The following ZPR1 variants were observed in gnomAD, a reference collection of about 807,000 sequenced individuals.
The protein encoded by ZPR1 is ZPR1 zinc finger, also known as zinc finger protein ZPR1.
ZPR1 carries 37 observed loss-of-function variants against 59.6 expected under a neutral mutation model. The observed-to-expected ratio is 0.62, with a 90% confidence interval of 0.48 to 0.82. The LOEUF (loss-of-function observed/expected upper bound fraction) is 0.82, where lower values mean the gene tolerates loss of function less well. Among genes scored for constraint, ZPR1 ranks in the 40% least tolerant of loss-of-function variants. ZPR1 has a pLI of 0.00. For missense variants in ZPR1, 527 were observed against 579.9 expected (o/e 0.91, Z 0.94); for synonymous variants, 191 against 215.2 (o/e 0.89, Z 0.99).
At position 116,778,997 on chromosome 11, in the gene ZPR1, G is replaced by A; in HGVS notation, c.1308C>T (p.Asp436=). ...MKVERYKRTF[D]QNEELGLNDM... The stretch of plus-strand genomic sequence containing the variant: ...CATTGAGCCCTAGCTCCTCATTTTG[G>A]TCAAAGGTGCGCTTGTAACGCTCCA... The change falls in exon 14 of 14, where the codon GAC becomes GAT. Residue 436 remains aspartate, a synonymous_variant. Transcript: ENST00000227322. 2.5e-6 allele frequency: 4 copies of A among 1,614,186 alleles called. No homozygotes were observed. The highest frequency in any genetic ancestry group is 3.4e-6 in the Non-Finnish European group (4 of 1,180,034).
At chr11:116,786,250 G>A (rs1053787606) in intron 4 of ZPR1, among the ~76,000 whole-genome samples, 1 of 152,126 alleles carries the variant, frequency 6.6e-6, no homozygotes, top group African/African-American at 2.4e-5. Context: ...GGAATACTCA[G>A]GAAACACAGA....
In ZPR1 at chr11:116,782,951, G is replaced by A; in HGVS notation, c.1060C>T (p.Leu354=). The A allele has an allele frequency of 6.2e-7, 1 of 1,614,192 alleles. No homozygotes were observed. The highest frequency in any genetic ancestry group is 8.5e-7 in the Non-Finnish European group (1 of 1,180,024). Reference sequence around the variant, plus strand: ...CGGATGTCTTTCAGCAGCCCTTCCAGTGTGGTGAACTTGCCCCCGAGGACT... The same window carrying A: ...CGGATGTCTTTCAGCAGCCCTTCCAATGTGGTGAACTTGCCCCCGAGGACT... ...MAVLGGKFTT[L]EGLLKDIREL... The change falls in exon 11 of 14, where the codon CTG becomes TTG. Residue 354 remains leucine (L), a synonymous_variant. Transcript: ENST00000227322.
chr11:116,778,242 C>T lies in ZPR1; in HGVS notation c.*683G>A, dbSNP rs1296806148. On this transcript the variant is annotated 3_prime_UTR_variant, in exon 14 of 14. Transcript: ENST00000227322. ...TTTTTCCCCACTAGACTTCAAGTTC[C>T]ATGAAAGAGATTTATTTTGTCCTCT... 1.3e-5 allele frequency: 2 copies of T among 152,208 alleles called. No individual in the cohort carries two copies. The highest frequency in any genetic ancestry group is 4.8e-5 in the African/African-American group (2 of 41,436). 9.4% of individuals were successfully genotyped at this position (152,208 alleles called of 1,614,324 possible). A position where few individuals can be genotyped will look rare whatever the true frequency, so the allele number is the denominator to read the frequency against.
chr11:116,781,739 G>A (rs1378882904), intron 12 of ZPR1, among the ~76,000 whole-genome samples: 1 of 152,166 alleles, frequency 6.6e-6, no homozygotes, highest in Non-Finnish European at 1.5e-5. Context: ...AGGGCCAGGT[G>A]CGGTGGCTCA....
rs545748664 is a variant in ZPR1, at chr11:116,776,889, T to TA, written c.*2035dup. The TA allele has an allele frequency of 2.9e-4, 44 of 152,348 alleles. No individual in the cohort carries two copies. The highest frequency in any genetic ancestry group is 1.1e-3 in the African/African-American group (44 of 41,580). The allele number at this position is 152,348 out of a possible 1,614,324, so 9.4% of individuals were successfully genotyped here. On this transcript the variant is annotated 3_prime_UTR_variant, in exon 14 of 14. Transcript: ENST00000227322. Reference sequence around the variant, plus strand: ...TAGATTCCCAAGTCAGCTGGAAACATACCTAGAGATAATCTCTTAGGGTAG... The same window carrying TA: ...TAGATTCCCAAGTCAGCTGGAAACATAACCTAGAGATAATCTCTTAGGGTAG...
rs1940754612 is a variant in ZPR1, at chr11:116,778,684, C to T, written c.*241G>A. ...GTGATGACATACCCCTGGTTCATTT[C>T]TGGGTTTCCTCCTAGGCCAATTCAA... On this transcript the variant is annotated 3_prime_UTR_variant, in exon 14 of 14. Coordinates refer to ENST00000227322, the MANE Select transcript of ZPR1 (RefSeq NM_003904.5). The T allele has an allele frequency of 2.1e-6, 1 of 477,710 alleles. No homozygotes were observed. The highest frequency in any genetic ancestry group is 3.7e-6 in the Non-Finnish European group (1 of 272,930). 29.6% of individuals were successfully genotyped at this position (477,710 alleles called of 1,614,324 possible).
At chr11:116,785,208 GC>G in intron 6 of ZPR1, 62 bp from the exon 7 acceptor site, 1 of 1,580,856 alleles carries the variant, frequency 6.3e-7, no homozygotes, top group East Asian at 2.2e-5. Flanking sequence ...CCAACACCCT[GC>G]CCTGGAGTGG....
rs1311116008 is a variant in ZPR1 at position 116,787,581 on chromosome 11, A to G, written c.234T>C (p.Phe78=). Residue 78 remains phenylalanine (F), a synonymous_variant, in exon 2 of 14, where the codon TTT becomes TTC. Transcript: ENST00000227322. ...PFFREIIVSS[F]SCEHCGWNNT... is the part of the protein sequence containing the mutation. ...TGTTCCAGCCACAGTGCTCGCAGGA[A>G]AAGGAGCTCACTATTATTTCTCTGA... 1 of 1,614,188 alleles carries G rather than the reference A, an allele frequency of 6.2e-7. No homozygotes were observed. The highest frequency in any genetic ancestry group is 1.7e-5 in the Admixed American group (1 of 60,036).
Position 116,787,953 on chromosome 11 carries a change from C to G in ZPR1, c.38G>C (p.Gly13Ala), listed in dbSNP as rs1240790621. 1.4e-6 allele frequency: 2 copies of G among 1,457,788 alleles called. No homozygotes were observed. The allele number at this position is 1,457,788 out of a possible 1,614,324, so 90.3% of individuals were successfully genotyped here. A position where few individuals can be genotyped will look rare whatever the true frequency, so the allele number is the denominator to read the frequency against. ...ASGAVEPGPP[G>A]AAVAPSPAPA... The stretch of plus-strand genomic sequence containing the variant: ...GGCGGGCGACGGGGCGACGGCAGCC[C>G]CCGGGGGCCCTGGTTCCACAGCCCC... The change falls in exon 1 of 14, where the codon GGG becomes GCG. Residue 13 changes from glycine (G) to alanine (A), a missense_variant. Gly to Ala is a moderately conservative substitution (Grantham distance 60). Coordinates refer to ENST00000227322, the MANE Select transcript of ZPR1 (RefSeq NM_003904.5).
chr11:116,785,454 A>G, intron 6 of ZPR1, 60 bp downstream of exon 6: 2 of 1,593,394 alleles, frequency 1.3e-6, no homozygotes, highest in Non-Finnish European at 1.7e-6. Context: ...CACTGACTCC[A>G]AGCAATCCAG....
At position 116,782,145 on chromosome 11, in the gene ZPR1, A is replaced by T; in HGVS notation, c.1179+13T>A. The T allele has an allele frequency of 6.2e-7, 1 of 1,611,234 alleles. No homozygotes were observed. Among genetic ancestry groups the T allele is most frequent in the Non-Finnish European group, 8.5e-7 (1 of 1,177,810 alleles). On this transcript the variant is annotated intron_variant, in intron 12 of 13. Coordinates refer to ENST00000227322, the MANE Select transcript of ZPR1 (RefSeq NM_003904.5). ...CCAGGATTCTAAGTACTGACTGGCC[A>T]GTGACCTCTTACCTGGTCCATCTTC... is the stretch of plus-strand genomic sequence containing the variant.
chr11:116,787,694 C>T (rs1234011529), intron 1 of ZPR1, 51 bp from the exon 2 acceptor site: 3 of 1,581,264 alleles, frequency 1.9e-6, no homozygotes, highest in East Asian at 2.3e-5. Context: ...ACTCCCTTTC[C>T]CCGCCCTACT....
chr11:116,779,458 G>T (rs577957337), intron 13 of ZPR1, among the ~76,000 whole-genome samples: 38 of 151,938 alleles, frequency 2.5e-4, no homozygotes, highest in Non-Finnish European at 2.9e-4. Flanking sequence ...CTTGGCCTCC[G>T]GACAAGGTAC....
At chr11:116,786,489 C>T (rs749500759) in intron 4 of ZPR1, 22 bp downstream of exon 4, 2 of 1,614,062 alleles carry the variant, frequency 1.2e-6, no homozygotes, top group South Asian at 2.2e-5. Flanking sequence ...TGAGCTGCTA[C>T]AATCAGAAAA....
intron 11 of ZPR1, 114 bp downstream of exon 11, chr11:116,782,805 G>T: frequency 1.3e-6 from 1 of 770,320 alleles, no homozygotes; most frequent in Non-Finnish European, 2.2e-6. Context: ...CAGCTTTAAG[G>T]CAAAGAAACC....
chr11:116,780,982 A>T (rs1011983732), intron 12 of ZPR1, among the ~76,000 whole-genome samples: 4 of 152,216 alleles, frequency 2.6e-5, no homozygotes, highest in Non-Finnish European at 5.9e-5. Flanking sequence ...AAGAAGAAAA[A>T]ATACTACATC....
At chr11:116,780,851 G>A (rs914729883) in intron 12 of ZPR1, among the ~76,000 whole-genome samples, 1 of 152,050 alleles carries the variant, frequency 6.6e-6, no homozygotes, top group East Asian at 1.9e-4. Context: ...CTGAAAGATG[G>A]GAAATCAAAT....
In ZPR1 at chr11:116,787,820, A is replaced by T. The variant is rs748466058; in HGVS notation, c.171T>A (p.Asn57Lys). 2 of 1,553,672 alleles carry T rather than the reference A, an allele frequency of 1.3e-6. No individual in the cohort carries two copies. Among genetic ancestry groups the T allele is most frequent in the Middle Eastern group, 4.6e-4 (2 of 4,382 alleles). ...IESLCMNCYC[N>K]GMTRLLLTKI... ...GCTCGCGGCCGCGCCCCCGCCTCAC[A>T]TTGCAGTAACAGTTCATGCATAGCG... Residue 57 changes from asparagine (N) to lysine (K), a missense_variant and splice_region_variant, in exon 1 of 14, where the codon AAT becomes AAA. Transcript: ENST00000227322.
chr11:116,782,297 G>T lies in ZPR1; in HGVS notation c.1093-53C>A, dbSNP rs1940819735. ...TGAATACTGGCTTTATATTTGTTAG[G>T]CCTGACCATAAACTAGGCAGGGGGT... On this transcript the variant is annotated intron_variant, in intron 11 of 13. Coordinates refer to ENST00000227322, the MANE Select transcript of ZPR1 (RefSeq NM_003904.5). 1.4e-5 allele frequency: 21 copies of T among 1,534,022 alleles called. No homozygotes were observed. The South Asian group carries it at 2.2e-4, about 16-fold the overall frequency.
Sources: allele counts gnomAD v4.1 joint callset (sites outside exome capture counted in the v4.1 genomes callset), GRCh38; gene constraint gnomAD v4.1.1; transcripts MANE v1.5; gene names NCBI Gene and HGNC (gene_info 2026-07-23, HGNC 2026-07-21).